Variants in LOC400499 observed in about 807,000 individuals in gnomAD.
chr16:11,436,476 G>A, the LOC400499 span, among the ~76,000 whole-genome samples: 18 of 152,304 alleles, frequency 1.2e-4, no homozygotes, highest in African/African-American at 4.1e-4. Flanking sequence ...CCCAAGGGAC[G>A]TGAGCCTATC....
chr16:11,483,071 T>C, the LOC400499 span, among the ~76,000 whole-genome samples: 1 of 152,178 alleles, frequency 6.6e-6, no homozygotes, highest in African/African-American at 2.4e-5. Flanking sequence ...ATTATCAATG[T>C]CATTAGTCAT....
the LOC400499 span, chr16:11,440,864 C>T: frequency 2.3e-5 from 9 of 398,944 alleles, no homozygotes; most frequent in South Asian, 7.6e-4. Flanking sequence ...ATAGACAACA[C>T]CCTTTACTTC....
chr16:11,385,260 AG>A, the LOC400499 span: 1 of 1,232,204 alleles, frequency 8.1e-7, no homozygotes, highest in Non-Finnish European at 1.0e-6. Flanking sequence ...TTCCACGAAC[AG>A]GGCTGTGAGC....
chr16:11,445,471 G>A, the LOC400499 span, among the ~76,000 whole-genome samples: 39 of 152,132 alleles, frequency 2.6e-4, no homozygotes, highest in African/African-American at 7.2e-4. Flanking sequence ...GGGTAAGCAC[G>A]GGTCTGTGTG....
chr16:11,456,981 C>A, the LOC400499 span: 2 of 1,536,104 alleles, frequency 1.3e-6, no homozygotes, highest in Non-Finnish European at 1.7e-6. Context: ...CAGGCGGAGG[C>A]TCAAGTGGTA....
At chr16:11,417,285 G>A in the LOC400499 span, among the ~76,000 whole-genome samples, 5 of 152,140 alleles carry the variant, frequency 3.3e-5, no homozygotes, top group African/African-American at 9.7e-5. Flanking sequence ...GGAGGGCAGT[G>A]TTGCAATCAT....
chr16:11,508,157 T>C, the LOC400499 span, among the ~76,000 whole-genome samples: 8 of 152,196 alleles, frequency 5.3e-5, no homozygotes, highest in Non-Finnish European at 1.0e-4. Context: ...ACCATCTCTC[T>C]CGTGCTTTCC....
chr16:11,478,955 G>A, the LOC400499 span, among the ~76,000 whole-genome samples: 1 of 152,182 alleles, frequency 6.6e-6, no homozygotes, highest in Admixed American at 6.5e-5. Context: ...ATCCATGTAA[G>A]ACGTGACTTC....
At chr16:11,471,665 G>A in the LOC400499 span, 1 of 399,158 alleles carries the variant, frequency 2.5e-6, no homozygotes, top group Non-Finnish European at 4.4e-6. Context: ...TGGGGCTGCA[G>A]GGTATAGGCA....
chr16:11,449,794 T>A, the LOC400499 span, among the ~76,000 whole-genome samples: 1 of 152,222 alleles, frequency 6.6e-6, no homozygotes, highest in Non-Finnish European at 1.5e-5. Flanking sequence ...GGCCAAGACC[T>A]CAGAGCCATT....
At chr16:11,509,120 C>CTTT in the LOC400499 span, among the ~76,000 whole-genome samples, 14 of 130,738 alleles carry the variant, frequency 1.1e-4, no homozygotes, top group Non-Finnish European at 1.7e-4. Context: ...CCTTTTTTTT[C>CTTT]TTTTTTTTTT....
At chr16:11,524,618 G>A in the LOC400499 span, among the ~76,000 whole-genome samples, 2 of 152,090 alleles carry the variant, frequency 1.3e-5, no homozygotes, top group Non-Finnish European at 2.9e-5. Context: ...TCCCACCATC[G>A]AAGGGGCAGA....
chr16:11,451,452 C>T, the LOC400499 span, among the ~76,000 whole-genome samples: 2 of 152,028 alleles, frequency 1.3e-5, no homozygotes, highest in Non-Finnish European at 2.9e-5. Flanking sequence ...CGGTGGTGCT[C>T]ACCTATATCC....
At chr16:11,376,365 T>TTC in the LOC400499 span, among the ~76,000 whole-genome samples, 105 of 150,934 alleles carry the variant, frequency 7.0e-4, no homozygotes, top group African/African-American at 1.6e-3. Flanking sequence ...TTTTTTTTTT[T>TTC]CCCAACATGT....
At chr16:11,487,186 G>A in the LOC400499 span, 2 of 398,502 alleles carry the variant, frequency 5.0e-6, no homozygotes, top group African/African-American at 2.1e-5. Flanking sequence ...TGGACAGACA[G>A]GTAAGTGACT....
At chr16:11,401,891 T>A in the LOC400499 span, 1 of 397,580 alleles carries the variant, frequency 2.5e-6, no homozygotes, top group Non-Finnish European at 4.4e-6. Flanking sequence ...CCCCAGTGCC[T>A]TTCCCACAGT....
At chr16:11,443,345 AAAAAAAAAAAAAAT>A in the LOC400499 span, 26 of 388,108 alleles carry the variant, frequency 6.7e-5, no homozygotes, top group Non-Finnish European at 9.4e-5. Context: ...AAAAAAAAAA[AAAAAAAAAAAAAAT>A]GATCGGAGGG....
chr16:11,385,500 G>A, the LOC400499 span: 55 of 973,686 alleles, frequency 5.6e-5, no homozygotes, highest in Admixed American at 8.6e-5. Context: ...TGGGTGCCCC[G>A]GATGCCTAGA....
the LOC400499 span, chr16:11,407,401 G>A: frequency 1.8e-5 from 7 of 397,602 alleles, no homozygotes; most frequent in East Asian, 2.5e-4. Flanking sequence ...GGCTCTGATG[G>A]AACATTCCAG....
Sources: gnomAD v4.1 joint callset for allele counts (sites outside exome capture counted in the v4.1 genomes callset) on GRCh38, gnomAD v4.1.1 for gene constraint, MANE v1.5 for transcripts.